The following ATP4B variants were observed in gnomAD, a reference collection of about 807,000 sequenced individuals.
ATP4B encodes ATPase H+/K+ transporting subunit beta, also known as potassium-transporting ATPase subunit beta.
ATP4B carries 27 observed loss-of-function variants against 35.3 expected under a neutral mutation model. The ratio of observed to expected loss-of-function variants is 0.76; its 90% CI spans 0.56 to 1.05. ATP4B has a LOEUF of 1.05. ATP4B is among the 50% of genes least tolerant of loss of function. The pLI, the probability that ATP4B is intolerant of heterozygous loss-of-function variation, is 0.00. For synonymous variants in ATP4B, 162 were observed against 156.0 expected, an observed-to-expected ratio of 1.04 and a Z score of -0.29; for missense variants, 375 against 384.8, an observed-to-expected ratio of 0.97 and a Z score of 0.21.
At chr13:113,654,684 T>G in intron 2 of ATP4B, 130 bp downstream of exon 2, 2 of 1,412,684 alleles carry the variant, frequency 1.4e-6, no homozygotes. Flanking sequence ...TGGCTCACCC[T>G]GGGGCTGCCG....
chr13:113,653,141 C>A (rs2049725848), intron 3 of ATP4B, 69 bp from the exon 4 acceptor site: 23 of 1,537,314 alleles, frequency 1.5e-5, no homozygotes, highest in Non-Finnish European at 2.0e-5. Context: ...CCCGGGAAGG[C>A]CTTGCAAGCC....
chr13:113,649,650 G>A lies in ATP4B; in HGVS notation c.715-115C>T. ...TGGTGCAGAGAAGCAGCTCTTTTGT[G>A]TAAGACTGGCCCTGACCGAGTGCAT... is the stretch of plus-strand genomic sequence containing the variant. On this transcript the variant is annotated intron_variant, in intron 6 of 6. Transcript: ENST00000335288. The surrounding 1 kb of genome is among the most constrained non-coding windows in gnomAD (Gnocchi z 4.7). 8.0e-7 allele frequency: 1 copy of A among 1,243,148 alleles called. No homozygotes were observed. The highest frequency in any genetic ancestry group is 1.1e-6 in the Non-Finnish European group (1 of 928,546). The allele number at this position is 1,243,148 out of a possible 1,614,324, so 77.0% of individuals were successfully genotyped here.
chr13:113,652,441 TC>T (rs1429408955), intron 4 of ATP4B, among the ~76,000 whole-genome samples: 2 of 152,156 alleles, frequency 1.3e-5, no homozygotes, highest in African/African-American at 2.4e-5. Context: ...CCTGCCCTGC[TC>T]GAGCCTGGCT....
chr13:113,657,410 G>A (rs992912914), intron 1 of ATP4B, among the ~76,000 whole-genome samples: 2 of 152,234 alleles, frequency 1.3e-5, no homozygotes, highest in Admixed American at 6.5e-5. Context: ...TGATGTAGAC[G>A]CAGACGCTTC....
Position 113,650,352 on chromosome 13 carries a change from G to A in ATP4B, c.714+54C>T, listed in dbSNP as rs2049702249. ...GGGCTTATTGCTTTCCTTTCGCTAA[G>A]TGTGAGAGGACTCAGCAGCTGTGGT... is the stretch of plus-strand genomic sequence containing the variant. On this transcript the variant is annotated intron_variant, in intron 6 of 6. Coordinates refer to ENST00000335288, the MANE Select transcript of ATP4B (RefSeq NM_000705.4). This position sits in a 1 kb window ranked among gnomAD's most constrained non-coding sequence, Gnocchi z 5.0. 8 of 1,526,646 alleles carry A rather than the reference G, an allele frequency of 5.2e-6. No homozygotes were observed. In the Admixed American group the frequency reaches 1.3e-4, roughly 26 times the overall value. 94.6% of individuals were successfully genotyped at this position (1,526,646 alleles called of 1,614,324 possible).
At position 113,658,046 on chromosome 13, in the gene ATP4B, G is replaced by A. The variant is rs776746537; in HGVS notation, c.99C>T (p.Thr33=). ...NPDTGQMLGR[T]LSRWVWISLY... ...CCCCGCACGTACCCCACCGGGACAG[G>A]GTGCGGCCCAGCATCTGCCCCGTGT... is the stretch of plus-strand genomic sequence containing the variant. The change falls in exon 1 of 7, where the codon ACC becomes ACT. Residue 33 remains threonine, a synonymous_variant. Transcript: ENST00000335288. 2.2e-5 allele frequency: 36 copies of A among 1,603,542 alleles called. 1 individual carries two copies. In the Admixed American group the frequency reaches 5.6e-4, roughly 25 times the overall value.
intron 1 of ATP4B, 50 bp from the exon 2 acceptor site, chr13:113,654,992 A>T: frequency 6.2e-7 from 1 of 1,609,040 alleles, no homozygotes; most frequent in Non-Finnish European, 8.5e-7. Context: ...ATTTTAACGC[A>T]CACAATTCGG....
At position 113,652,906 on chromosome 13, in the gene ATP4B, T is replaced by C; in HGVS notation, c.522A>G (p.Glu174=). 1.2e-6 allele frequency: 2 copies of C among 1,614,202 alleles called. No homozygotes were observed. The highest frequency in any genetic ancestry group is 1.7e-6 in the Non-Finnish European group (2 of 1,180,034). The change falls in exon 4 of 7, where the codon GAA becomes GAG. Residue 174 remains glutamate, a synonymous_variant. Coordinates refer to ENST00000335288, the MANE Select transcript of ATP4B (RefSeq NM_000705.4). ...GLADPNFGFE[E]GKPCFIIKMN... Reference sequence around the variant, plus strand: ...TTTTAATAATAAAACATGGCTTTCCTTCTTCAAAGCCGAAGTTGGGATCCG... The same window carrying C: ...TTTTAATAATAAAACATGGCTTTCCCTCTTCAAAGCCGAAGTTGGGATCCG...
chr13:113,652,994 G>A lies in ATP4B; in HGVS notation c.434C>T (p.Pro145Leu). Residue 145 changes from proline to leucine, a missense_variant, in exon 4 of 7, where the codon CCC (proline) becomes CTC (leucine). Coordinates refer to ENST00000335288, the MANE Select transcript of ATP4B (RefSeq NM_000705.4). ...CTTGCAGGAGAACTTGGTGTGGTTG[G>A]GAGCGCGGAAACTCTCCTGGAAGAA... ...QYFFQESFRA[P>L]NHTKFSCKFT... 6.2e-7 allele frequency: 1 copy of A among 1,614,168 alleles called. No homozygotes were observed. The highest frequency in any genetic ancestry group is 8.5e-7 in the Non-Finnish European group (1 of 1,180,020).
At chr13:113,652,077 C>T (rs2049716886) in intron 4 of ATP4B, among the ~76,000 whole-genome samples, 1 of 152,224 alleles carries the variant, frequency 6.6e-6, no homozygotes. Context: ...CGGCCTGCCT[C>T]CTGCTCTGCA....
intron 2 of ATP4B, 51 bp from the exon 3 acceptor site, chr13:113,653,485 A>C: frequency 6.5e-7 from 1 of 1,538,468 alleles, no homozygotes; most frequent in Non-Finnish European, 9.0e-7. Context: ...CACCACATTT[A>C]AGCCATCAGT....
intron 4 of ATP4B, 139 bp from the exon 5 acceptor site, chr13:113,651,866 G>A: frequency 1.0e-6 from 1 of 976,154 alleles, no homozygotes; most frequent in Non-Finnish European, 1.5e-6. Flanking sequence ...CCTTGGTCTG[G>A]TTTGCGGCTT....
Position 113,653,387 on chromosome 13 carries a change from C to T in ATP4B, c.289G>A (p.Val97Ile). The change falls in exon 3 of 7, where the codon GTC (valine) becomes ATC (isoleucine). Residue 97 changes from valine (V) to isoleucine (I), a missense_variant. Val to Ile is a conservative substitution (Grantham distance 29). Coordinates refer to ENST00000335288, the MANE Select transcript of ATP4B (RefSeq NM_000705.4). ...DVYGEKGLEIVYNVSDNRTWA... is the reference protein window; with the variant it reads ...DVYGEKGLEIIYNVSDNRTWA... ...GTTCTGTTATCAGAGACGTTGTAGA[C>T]AATTTCCAGGCCTTTCTCCCCGTAA... 1 of 1,614,256 alleles carries T rather than the reference C, an allele frequency of 6.2e-7. No homozygotes were observed. The highest frequency in any genetic ancestry group is 8.5e-7 in the Non-Finnish European group (1 of 1,180,050).
At chr13:113,656,518 T>C (rs1437961189) in intron 1 of ATP4B, among the ~76,000 whole-genome samples, 1 of 152,104 alleles carries the variant, frequency 6.6e-6, no homozygotes. Flanking sequence ...GGGCCCCCGC[T>C]TGCACCACGG....
At chr13:113,657,960 T>G in intron 1 of ATP4B, 73 bp downstream of exon 1, 23 of 1,278,686 alleles carry the variant, frequency 1.8e-5, no homozygotes, top group East Asian at 2.5e-5. Flanking sequence ...CCCCTCCTCC[T>G]GAGCTCACCT....
chr13:113,654,780 C>T, intron 2 of ATP4B, 34 bp downstream of exon 2: 2 of 1,606,028 alleles, frequency 1.2e-6, no homozygotes, highest in Non-Finnish European at 1.7e-6. Flanking sequence ...CCTGGCCTGT[C>T]ACACGGCATG....
chr13:113,657,484 G>A (rs920426073), intron 1 of ATP4B, among the ~76,000 whole-genome samples: 5 of 152,228 alleles, frequency 3.3e-5, no homozygotes, highest in African/African-American at 4.8e-5. Flanking sequence ...CAGGCTGCCC[G>A]CGCCTCTGTG....
At chr13:113,651,764 C>A (rs1334586525) in intron 4 of ATP4B, 37 bp from the exon 5 acceptor site, 11 of 1,607,804 alleles carry the variant, frequency 6.8e-6, no homozygotes, top group Non-Finnish European at 9.3e-6. Context: ...CGCTCCCCAC[C>A]CCCACCGCCA....
At chr13:113,651,090 C>G (rs4074271) in intron 5 of ATP4B, among the ~76,000 whole-genome samples, 34,734 of 151,806 alleles carry the variant, frequency 0.23, 4,625 homozygotes, top group Admixed American at 0.33. Flanking sequence ...GTGAGGTTCC[C>G]TCGGACACCC....
Sources: allele counts gnomAD v4.1 joint callset (sites outside exome capture counted in the v4.1 genomes callset), GRCh38; gene constraint gnomAD v4.1.1; non-coding constraint Gnocchi (gnomAD v3.1); transcripts MANE v1.5; gene names NCBI Gene and HGNC (gene_info 2026-07-23, HGNC 2026-07-21).